GREB1: variants seen among roughly 807,000 people sequenced by gnomAD.
GREB1 encodes the protein growth regulating estrogen receptor binding 1, also known as protein GREB1.
In GREB1, 106 loss-of-function variants were observed where a neutral mutation model predicts 200.7. The observed-to-expected ratio is 0.53, with a 90% confidence interval of 0.45 to 0.62. The LOEUF (loss-of-function observed/expected upper bound fraction) is 0.62, where lower values mean the gene tolerates loss of function less well. Ranked by LOEUF, GREB1 falls within the 20% of genes least tolerant of loss-of-function variation. The probability of loss-of-function intolerance (pLI) is 0.00; values close to 1 mark genes in which losing one functional copy is unlikely to be tolerated. For missense variants in GREB1, 2,243 were observed against 2,556.8 expected, an observed-to-expected ratio of 0.88 and a Z score of 2.65; for synonymous variants, 1,132 against 1,092.4, an observed-to-expected ratio of 1.04 and a Z score of -0.72.
intron 1 of GREB1, among the ~76,000 whole-genome samples, chr2:11,506,869 G>A (rs1673194494): frequency 6.6e-6 from 1 of 152,084 alleles, no homozygotes; most frequent in African/African-American, 2.4e-5. Flanking sequence ...GCACTGTACT[G>A]TGGATATCAC....
intron 4 of GREB1, among the ~76,000 whole-genome samples, chr2:11,572,534 C>T (rs1678416323): frequency 1.3e-5 from 2 of 152,140 alleles, no homozygotes; most frequent in African/African-American, 4.8e-5. Context: ...CCGATTTAGT[C>T]ATAGCCTTCC....
chr2:11,521,474 A>C (rs1463363384), intron 1 of GREB1, among the ~76,000 whole-genome samples: 4 of 152,204 alleles, frequency 2.6e-5, no homozygotes, highest in Non-Finnish European at 5.9e-5. Context: ...GGCATGTGTG[A>C]ATTTCTAAAA....
chr2:11,526,120 C>T (rs144340384), intron 1 of GREB1, among the ~76,000 whole-genome samples: 7 of 152,300 alleles, frequency 4.6e-5, no homozygotes, highest in East Asian at 1.9e-4. Flanking sequence ...CTTGAGTTCA[C>T]GCAGGTTAAT....
intron 4 of GREB1, among the ~76,000 whole-genome samples, chr2:11,567,676 G>T (rs1677813967): frequency 6.6e-6 from 1 of 152,182 alleles, no homozygotes; most frequent in South Asian, 2.1e-4. Context: ...GCCCACTAAG[G>T]CTCTGAGTGC....
upstream of GREB1, among the ~76,000 whole-genome samples, chr2:11,533,720 A>G (rs1674161819): frequency 6.6e-6 from 1 of 152,242 alleles, no homozygotes; most frequent in African/African-American, 2.4e-5. Flanking sequence ...GTAGCCAGAA[A>G]CAATGAACTA....
chr2:11,535,415 T>A (rs1674247926), intron 1 of GREB1, among the ~76,000 whole-genome samples: 1 of 152,032 alleles, frequency 6.6e-6, no homozygotes, highest in African/African-American at 2.4e-5. Flanking sequence ...TTATTTTTAA[T>A]TCAGTATCTT....
chr2:11,626,154 T>C (rs1684433970), intron 24 of GREB1, among the ~76,000 whole-genome samples: 1 of 152,188 alleles, frequency 6.6e-6, no homozygotes, highest in African/African-American at 2.4e-5. Flanking sequence ...ACCATATCAG[T>C]GACCCACCAG....
chr2:11,540,749 G>C (rs1035303200), intron 1 of GREB1: 1 of 138,274 alleles, frequency 7.2e-6, no homozygotes, highest in Non-Finnish European at 1.6e-5. Context: ...ATGATGTCTT[G>C]TTTCCTGCTG....
chr2:11,484,863 T>G (rs777459361), intron 1 of GREB1, among the ~76,000 whole-genome samples: 7 of 152,250 alleles, frequency 4.6e-5, no homozygotes, highest in Non-Finnish European at 1.0e-4. Flanking sequence ...TTGTTTGTTT[T>G]GAGACGGAGT....
chr2:11,563,316 C>A (rs893688076), intron 3 of GREB1, among the ~76,000 whole-genome samples: 4 of 152,176 alleles, frequency 2.6e-5, no homozygotes, highest in African/African-American at 9.7e-5. Flanking sequence ...GTTGAACAGG[C>A]AGATACACAT....
At chr2:11,613,308 T>C (rs998352339) in intron 19 of GREB1, among the ~76,000 whole-genome samples, 1 of 152,134 alleles carries the variant, frequency 6.6e-6, no homozygotes. Context: ...TTTTAGAGAC[T>C]TCATACCGGT....
chr2:11,541,734 G>A (rs1248684556), intron 1 of GREB1, among the ~76,000 whole-genome samples: 8 of 152,134 alleles, frequency 5.3e-5, no homozygotes, highest in Admixed American at 3.3e-4. Flanking sequence ...GTGGCTTGAC[G>A]TGGTTAATTT....
chr2:11,530,013 C>T (rs1674011615), upstream of GREB1, among the ~76,000 whole-genome samples: 1 of 152,084 alleles, frequency 6.6e-6, no homozygotes, highest in Non-Finnish European at 1.5e-5. Flanking sequence ...GAAATAGAAT[C>T]TGCATTTTAA....
Position 11,556,683 on chromosome 2 carries a change from G to A in GREB1, c.69G>A (p.Glu23=), listed in dbSNP as rs1407881332. 6.2e-7 allele frequency: 1 copy of A among 1,613,938 alleles called. No homozygotes were observed. The highest frequency in any genetic ancestry group is 8.5e-7 in the Non-Finnish European group (1 of 1,179,842). ...RFEEVLHNSI[E]ASLRSNNLVP... is the part of the protein sequence containing the mutation. ...AAGAGGTCTTGCACAATTCCATCGA[G>A]GCATCCCTGCGGTCCAACAACCTGG... Residue 23 remains glutamate (E), a synonymous_variant, in exon 2 of 33, where the codon GAG becomes GAA. Transcript: ENST00000381486.
chr2:11,536,014 T>A (rs1277672269), intron 1 of GREB1, among the ~76,000 whole-genome samples: 1 of 152,162 alleles, frequency 6.6e-6, no homozygotes, highest in East Asian at 1.9e-4. Context: ...AGGGCGTACA[T>A]CTGCATGTTC....
intron 1 of GREB1, among the ~76,000 whole-genome samples, chr2:11,486,970 C>T (rs941916658): frequency 6.6e-6 from 1 of 151,940 alleles, no homozygotes; most frequent in African/African-American, 2.4e-5. Context: ...AAATGAAATT[C>T]TATATGCTTC....
At position 11,632,020 on chromosome 2, in the gene GREB1, G is replaced by T; in HGVS notation, c.4723G>T (p.Val1575Phe). The T allele has an allele frequency of 6.2e-7, 1 of 1,614,024 alleles. No individual in the cohort carries two copies. Among genetic ancestry groups the T allele is most frequent in the Non-Finnish European group, 8.5e-7 (1 of 1,179,902 alleles). ...CGGTGCCAGCCATTTGCACGTGCTG[G>T]TTGTCAAGGAATACGAGATGGCAAT... Reference protein sequence around the residue: ...MDGASHLHVLVVKEYEMAIYK... With the variant: ...MDGASHLHVLFVKEYEMAIYK... Residue 1575 changes from valine (V) to phenylalanine (F), a missense_variant, in exon 27 of 33, where the codon GTT becomes TTT. By Grantham distance (50) the Val-to-Phe change is conservative. This residue lies in a region of GREB1 where 478 missense variants were observed against 616.3 expected (regional missense o/e 0.78). Transcript: ENST00000381486.
intron 23 of GREB1, among the ~76,000 whole-genome samples, chr2:11,621,755 T>C (rs1483094525): frequency 6.6e-6 from 1 of 152,142 alleles, no homozygotes; most frequent in Non-Finnish European, 1.5e-5. Context: ...ATGCTGTCGA[T>C]TGTGCTTCAG....
intron 1 of GREB1, among the ~76,000 whole-genome samples, chr2:11,546,455 ATG>A (rs996650294): frequency 6.6e-6 from 1 of 152,204 alleles, no homozygotes; most frequent in African/African-American, 2.4e-5. Flanking sequence ...ATATGCTTAT[ATG>A]TGGTTTATGC....
Sources: gnomAD v4.1 joint callset for allele counts (sites outside exome capture counted in the v4.1 genomes callset) on GRCh38, gnomAD v4.1.1 for gene constraint, gnomAD v4.1.1 regional missense constraint, MANE v1.5 for transcripts, NCBI Gene and HGNC (gene_info 2026-07-23, HGNC 2026-07-21) for gene names.